Variants in SENP7 observed in about 807,000 individuals in gnomAD.
The protein encoded by SENP7 is sentrin-specific protease 7.
SENP7 carries 64 observed loss-of-function variants against 141.2 expected under a neutral mutation model. The ratio of observed to expected loss-of-function variants is 0.45; its 90% confidence interval spans 0.37 to 0.56. The LOEUF is 0.56. Ranked by LOEUF, SENP7 falls within the 20% of genes least tolerant of loss-of-function variation. The probability of loss-of-function intolerance (pLI) is 0.00; values close to 1 mark genes in which losing one functional copy is unlikely to be tolerated. For synonymous variants in SENP7, 382 were observed against 426.4 expected, an observed-to-expected ratio of 0.90 and a Z score of 1.28; for missense variants, 1,025 against 1,212.2, an observed-to-expected ratio of 0.85 and a Z score of 2.29.
intron 4 of SENP7, among the ~76,000 whole-genome samples, chr3:101,442,404 T>C (rs1474815076): frequency 1.3e-5 from 2 of 152,098 alleles, no homozygotes; most frequent in Non-Finnish European, 1.5e-5. Context: ...GCAACCTAGG[T>C]CGCCTGCATG....
chr3:101,343,538 T>C (rs2059381646), intron 14 of SENP7, 148 bp downstream of exon 14: 2 of 607,522 alleles, frequency 3.3e-6, no homozygotes, highest in South Asian at 6.4e-5. Context: ...GTTTAACAAA[T>C]TGTTCCAGCA....
intron 3 of SENP7, among the ~76,000 whole-genome samples, chr3:101,488,179 T>TA (rs1335454298): frequency 6.6e-6 from 1 of 152,158 alleles, no homozygotes; most frequent in Non-Finnish European, 1.5e-5. Flanking sequence ...TTCACCTTCT[T>TA]AGTCAACTGT....
rs55855998 is a variant in SENP7 at position 101,499,535 on chromosome 3, A to ATTTT, written c.90+1531_90+1534dup. ...AGGCACCTGCCATCATGCCCAGCTA[A>ATTTT]TTTTTTTTTTTTTTCTTGGAGACAG... On this transcript the variant is annotated intron_variant, in intron 2 of 23. Coordinates refer to ENST00000394095, the MANE Select transcript of SENP7 (RefSeq NM_020654.5). Among the ~76,000 whole-genome samples the ATTTT allele has an allele frequency of 2.7e-3, 376 of 138,752 alleles. 13 individuals carry two copies. The highest frequency in any genetic ancestry group is 9.7e-3 in the African/African-American group (357 of 36,712). The allele number at this position is 138,752 out of a possible 152,430, so 91.0% of individuals were successfully genotyped here. A position where few individuals can be genotyped will look rare whatever the true frequency, so the allele number is the denominator to read the frequency against.
chr3:101,483,276 A>G lies in SENP7; in HGVS notation c.186+10597T>C, dbSNP rs571974763. 2.8e-4 allele frequency among the ~76,000 whole-genome samples: 42 copies of G among 152,332 alleles called. 2 individuals carry two copies. The South Asian group carries it at 8.7e-3, about 32-fold the overall frequency. ...TGCTATGCGGCCATAAAAAAAGAAC[A>G]AGATCATGTCCTGTGCAGCAACATA... On this transcript the variant is annotated intron_variant, in intron 3 of 23. Coordinates refer to ENST00000394095, the MANE Select transcript of SENP7 (RefSeq NM_020654.5).
intron 5 of SENP7, among the ~76,000 whole-genome samples, chr3:101,399,782 C>T (rs536676617): frequency 2.8e-4 from 42 of 152,284 alleles, no homozygotes; most frequent in African/African-American, 8.4e-4. Context: ...CAAGCCACCA[C>T]GCCCAGGTAA....
intron 1 of SENP7, among the ~76,000 whole-genome samples, chr3:101,506,646 G>A (rs2065623781): frequency 6.6e-6 from 1 of 152,156 alleles, no homozygotes; most frequent in South Asian, 2.1e-4. Flanking sequence ...TAGAATATAT[G>A]ATGGAATCTG....
intron 16 of SENP7, among the ~76,000 whole-genome samples, chr3:101,339,713 C>T (rs1454386102): frequency 6.6e-6 from 1 of 151,186 alleles, no homozygotes; most frequent in Non-Finnish European, 1.5e-5. Context: ...AGTGAGACTC[C>T]ATCTCAAACA....
At chr3:101,471,817 C>T (rs1426727964) in intron 3 of SENP7, among the ~76,000 whole-genome samples, 1 of 152,076 alleles carries the variant, frequency 6.6e-6, no homozygotes, top group Non-Finnish European at 1.5e-5. Context: ...AAACAAACAA[C>T]CCCCTCATCA....
chr3:101,485,082 C>T (rs1254954073), intron 3 of SENP7, among the ~76,000 whole-genome samples: 1 of 151,968 alleles, frequency 6.6e-6, no homozygotes, highest in Non-Finnish European at 1.5e-5. Flanking sequence ...TCACCCACAC[C>T]CCCCACAGCA....
At chr3:101,346,158 T>C (rs2059448185) in intron 13 of SENP7, among the ~76,000 whole-genome samples, 1 of 151,916 alleles carries the variant, frequency 6.6e-6, no homozygotes, top group Admixed American at 6.6e-5. Context: ...CCAATAAACA[T>C]GAAAAAATGC....
At chr3:101,348,166 T>TAGA (rs10668782) in intron 12 of SENP7, 115 bp from the exon 13 acceptor site, 265,540 of 645,836 alleles carry the variant, frequency 0.41, 57,880 homozygotes, top group Admixed American at 0.56. Flanking sequence ...GAGAATTATA[T>TAGA]AGTTTTTTCA....
chr3:101,376,384 T>TA (rs1310928639), intron 6 of SENP7, among the ~76,000 whole-genome samples: 1 of 151,940 alleles, frequency 6.6e-6, no homozygotes, highest in Non-Finnish European at 1.5e-5. Flanking sequence ...TTACAATCTT[T>TA]AAAATACAAA....
chr3:101,457,545 A>T, intron 4 of SENP7: 1 of 1,603,016 alleles, frequency 6.2e-7, no homozygotes, highest in Middle Eastern at 2.3e-4. Flanking sequence ...AAACATATGC[A>T]CCTCTTCAAT....
intron 4 of SENP7, among the ~76,000 whole-genome samples, chr3:101,431,980 A>C (rs1281406040): frequency 2.0e-5 from 3 of 152,202 alleles, no homozygotes; most frequent in Non-Finnish European, 2.9e-5. Flanking sequence ...AGCACCAAAG[A>C]GGCTCTTGGG....
intron 11 of SENP7, among the ~76,000 whole-genome samples, chr3:101,359,810 A>G (rs2059845645): frequency 6.6e-6 from 1 of 152,078 alleles, no homozygotes. Context: ...AATAGGCAAG[A>G]TTATATGTGT....
intron 1 of SENP7, among the ~76,000 whole-genome samples, chr3:101,506,310 G>T (rs2065607412): frequency 6.6e-6 from 1 of 152,188 alleles, no homozygotes; most frequent in Non-Finnish European, 1.5e-5. Context: ...ATGGGCCACA[G>T]CACCCAGCCT....
intron 1 of SENP7, among the ~76,000 whole-genome samples, chr3:101,504,700 G>A (rs2065524729): frequency 6.6e-6 from 1 of 152,154 alleles, no homozygotes; most frequent in Non-Finnish European, 1.5e-5. Flanking sequence ...GTCTTTTACA[G>A]TAACACAGAA....
At chr3:101,413,192 T>G (rs2061502489) in intron 5 of SENP7, among the ~76,000 whole-genome samples, 1 of 152,126 alleles carries the variant, frequency 6.6e-6, no homozygotes, top group Admixed American at 6.5e-5. Flanking sequence ...CTCTTATCTT[T>G]CTAAAATTTT....
At chr3:101,348,813 C>A (rs1337085623) in intron 12 of SENP7, among the ~76,000 whole-genome samples, 1 of 146,794 alleles carries the variant, frequency 6.8e-6, no homozygotes, top group Non-Finnish European at 1.5e-5. Context: ...AAAAAAAAAA[C>A]TGATTTAAAG....
Sources: gnomAD v4.1 joint callset for allele counts (sites outside exome capture counted in the v4.1 genomes callset) on GRCh38, gnomAD v4.1.1 for gene constraint, MANE v1.5 for transcripts, NCBI Gene and HGNC (gene_info 2026-07-23, HGNC 2026-07-21) for gene names.